GADL1: variants seen among roughly 807,000 people sequenced by gnomAD.
GADL1 encodes acidic amino acid decarboxylase GADL1.
Under a neutral mutation model 69.5 loss-of-function variants are expected in GADL1, and 71 were observed. That is an observed-to-expected ratio of 1.02 (90% CI 0.84 to 1.25). The LOEUF is 1.25. Among genes scored for constraint, GADL1 ranks in the 50% most tolerant of loss-of-function variants. The probability of loss-of-function intolerance (pLI) is 0.00; values close to 1 mark genes in which losing one functional copy is unlikely to be tolerated. For missense variants in GADL1, 737 were observed against 631.8 expected (o/e 1.17, Z -1.79); for synonymous variants, 254 against 214.4 (o/e 1.18, Z -1.62).
chr3:30,893,119 G>T (rs950717016), intron 1 of GADL1, among the ~76,000 whole-genome samples: 2 of 152,240 alleles, frequency 1.3e-5, no homozygotes, highest in Non-Finnish European at 2.9e-5. Context: ...GCCTCCCAAA[G>T]TGCTGGGATT....
chr3:30,876,782 A>G (rs1294398483), intron 1 of GADL1, among the ~76,000 whole-genome samples: 1 of 151,944 alleles, frequency 6.6e-6, no homozygotes, highest in Non-Finnish European at 1.5e-5. Context: ...TGATGTATTA[A>G]TAGCCAACTT....
chr3:30,762,262 A>G (rs1696155955), intron 14 of GADL1, among the ~76,000 whole-genome samples: 1 of 152,206 alleles, frequency 6.6e-6, no homozygotes, highest in African/African-American at 2.4e-5. Context: ...GGTTCATGGC[A>G]GTAATCTAGG....
chr3:30,779,240 T>C (rs1362183250), intron 13 of GADL1, among the ~76,000 whole-genome samples: 1 of 152,202 alleles, frequency 6.6e-6, no homozygotes, highest in Non-Finnish European at 1.5e-5. Flanking sequence ...ACATATAGAA[T>C]TGTATTCAGG....
At chr3:30,778,055 A>T in intron 14 of GADL1, 124 bp downstream of exon 14, 1 of 604,996 alleles carries the variant, frequency 1.7e-6, no homozygotes, top group Non-Finnish European at 3.0e-6. Flanking sequence ...ACTTTTTAAC[A>T]AACTAGAAGA....
At chr3:30,833,814 C>A (rs562739259) in intron 11 of GADL1, 39 bp downstream of exon 11, 4 of 1,434,814 alleles carry the variant, frequency 2.8e-6, no homozygotes, top group East Asian at 4.6e-5. Context: ...AGTGGCTTAA[C>A]CCCCTTGAAG....
At chr3:30,842,141 T>C (rs1697976832) in intron 8 of GADL1, among the ~76,000 whole-genome samples, 1 of 152,182 alleles carries the variant, frequency 6.6e-6, no homozygotes, top group Non-Finnish European at 1.5e-5. Context: ...CCAAATGCAA[T>C]TTGTGAACTT....
Position 30,769,385 on chromosome 3 carries a change from C to T in GADL1, c.1392+8794G>A, listed in dbSNP as rs184637931. On this transcript the variant is annotated intron_variant, in intron 14 of 14. Transcript: ENST00000282538. ...CCAATGTCTGGAACGTATGCACACA[C>T]GCACACACACACACCCAGATACCTC... is the stretch of plus-strand genomic sequence containing the variant. 2.4e-3 allele frequency among the ~76,000 whole-genome samples: 371 copies of T among 151,938 alleles called. 1 individual carries two copies. The highest frequency in any genetic ancestry group is 8.3e-3 in the African/African-American group (342 of 41,338).
intron 14 of GADL1, among the ~76,000 whole-genome samples, chr3:30,755,010 G>A (rs1260925967): frequency 6.6e-6 from 1 of 152,152 alleles, no homozygotes; most frequent in Non-Finnish European, 1.5e-5. Context: ...CAGCATCTCT[G>A]AAAAGATTTC....
chr3:30,752,818 C>T (rs891344487), intron 14 of GADL1, among the ~76,000 whole-genome samples: 9 of 104,222 alleles, frequency 8.6e-5, no homozygotes, highest in African/African-American at 5.9e-4. Context: ...TGCTGGAAGA[C>T]AAGAGTTTTC....
intron 11 of GADL1, among the ~76,000 whole-genome samples, chr3:30,820,798 T>G (rs958860663): frequency 6.6e-6 from 1 of 151,804 alleles, no homozygotes; most frequent in Non-Finnish European, 1.5e-5. Flanking sequence ...GAAATACCAT[T>G]TGACCCAGCC....
chr3:30,781,132 G>A (rs984483731), intron 13 of GADL1, among the ~76,000 whole-genome samples: 3 of 152,140 alleles, frequency 2.0e-5, no homozygotes, highest in African/African-American at 7.2e-5. Context: ...CAAGTATCTA[G>A]TGAAGGGTAC....
intron 14 of GADL1, among the ~76,000 whole-genome samples, chr3:30,767,103 G>A (rs553448515): frequency 1.5e-3 from 234 of 152,224 alleles, no homozygotes; most frequent in Non-Finnish European, 2.6e-3. Flanking sequence ...GTTCTGTGAG[G>A]TGCAGGTAGT....
intron 1 of GADL1, among the ~76,000 whole-genome samples, chr3:30,882,113 C>A (rs1698651175): frequency 6.6e-6 from 1 of 151,448 alleles, no homozygotes; most frequent in South Asian, 2.1e-4. Context: ...ACACACTTTT[C>A]TATCCTTAAA....
intron 1 of GADL1, among the ~76,000 whole-genome samples, chr3:30,890,537 CT>C (rs1228390756): frequency 1.3e-5 from 2 of 152,198 alleles, no homozygotes; most frequent in Non-Finnish European, 2.9e-5. Context: ...AAAATCCTTT[CT>C]GAAAATCGCC....
At chr3:30,876,299 G>T (rs1379878460) in intron 1 of GADL1, among the ~76,000 whole-genome samples, 3 of 152,036 alleles carry the variant, frequency 2.0e-5, no homozygotes, top group African/African-American at 7.2e-5. Context: ...TCAAACCTAT[G>T]ATTGTAACCC....
chr3:30,751,890 C>G lies in GADL1; in HGVS notation c.1393-23475G>C, dbSNP rs1366409428. Among the ~76,000 whole-genome samples the G allele has an allele frequency of 2.0e-5, 3 of 152,198 alleles. No individual in the cohort carries two copies. The East Asian group carries it at 5.8e-4, about 29-fold the overall frequency. ...GGCTAAATCTAGCTTCCCTTTTCAT[C>G]CCCAACCAATCTTGTTTCTCTCCCC... On this transcript the variant is annotated intron_variant, in intron 14 of 14. Transcript: ENST00000282538.
Position 30,876,518 on chromosome 3 carries a change from C to T in GADL1, c.38-14753G>A, listed in dbSNP as rs113122790. On this transcript the variant is annotated intron_variant, in intron 1 of 14. Transcript: ENST00000282538. ...GTAATGAACAAGTATGAGGTGGTTT[C>T]AGCATGCCTCTGCATGGGGAGCCAA... Among the ~76,000 whole-genome samples, 5 of 152,140 alleles carry T rather than the reference C, an allele frequency of 3.3e-5. 1 individual carries two copies. The highest frequency in any genetic ancestry group is 3.4e-3 in the Middle Eastern group (1 of 294).
At chr3:30,780,095 C>G (rs1696626438) in intron 13 of GADL1, among the ~76,000 whole-genome samples, 1 of 152,252 alleles carries the variant, frequency 6.6e-6, no homozygotes, top group Admixed American at 6.5e-5. Flanking sequence ...GTGGAGAGCC[C>G]ATAAATGGCT....
In GADL1 at chr3:30,808,079, C is replaced by T. The variant is rs546287151; in HGVS notation, c.1051-6991G>A. On this transcript the variant is annotated intron_variant, in intron 11 of 14. Transcript: ENST00000282538. Reference sequence around the variant, plus strand: ...CCAAAAGGAAGCAAATCAGACTGACCCATGTAAAAGGTCAGTGTATTAGGT... The same window carrying T: ...CCAAAAGGAAGCAAATCAGACTGACTCATGTAAAAGGTCAGTGTATTAGGT... Among the ~76,000 whole-genome samples, 5 of 152,080 alleles carry T rather than the reference C, an allele frequency of 3.3e-5. No homozygotes were observed. The East Asian group carries it at 9.7e-4, about 29-fold the overall frequency.
Sources: allele counts gnomAD v4.1 joint callset (sites outside exome capture counted in the v4.1 genomes callset), GRCh38; gene constraint gnomAD v4.1.1; transcripts MANE v1.5; gene names NCBI Gene and HGNC (gene_info 2026-07-23, HGNC 2026-07-21).